The following LIMA1 variants were observed in gnomAD, a reference collection of about 807,000 sequenced individuals.
LIMA1 encodes the protein LIM domain and actin-binding protein 1.
LIMA1 carries 52 observed loss-of-function variants against 62.6 expected under a neutral mutation model. The observed-to-expected ratio is 0.83, with a 90% confidence interval of 0.67 to 1.05. The LOEUF is 1.05. Ranked by LOEUF, LIMA1 falls within the 50% of genes least tolerant of loss-of-function variation. LIMA1 has a pLI of 0.00. For synonymous variants in LIMA1, 302 were observed against 317.8 expected (o/e 0.95, Z 0.53); for missense variants, 780 against 902.2 (o/e 0.86, Z 1.74).
At chr12:50,238,873 G>GA (rs558468705) in intron 2 of LIMA1, among the ~76,000 whole-genome samples, 340 of 140,512 alleles carry the variant, frequency 2.4e-3, no homozygotes, top group Middle Eastern at 7.4e-3. Context: ...AAATCATGAA[G>GA]AAAAAAAAAA....
intron 4 of LIMA1, among the ~76,000 whole-genome samples, chr12:50,209,956 C>T (rs1941224637): frequency 6.6e-6 from 1 of 152,178 alleles, no homozygotes; most frequent in South Asian, 2.1e-4. Flanking sequence ...AGCCACCGCG[C>T]CTGGCCCACC....
At chr12:50,279,010 CTTT>C (rs35710007) in intron 1 of LIMA1, among the ~76,000 whole-genome samples, 2 of 137,636 alleles carry the variant, frequency 1.5e-5, no homozygotes, top group African/African-American at 5.5e-5. Flanking sequence ...CTTTTCTTTT[CTTT>C]TTTTTTTTTT....
intron 10 of LIMA1, among the ~76,000 whole-genome samples, chr12:50,178,983 C>CT (rs1940425263): frequency 3.2e-5 from 4 of 123,420 alleles, no homozygotes; most frequent in Admixed American, 8.6e-5. Context: ...TTTTCTTTTT[C>CT]TTTTCTTTTT....
chr12:50,269,968 C>T (rs896645667), intron 1 of LIMA1, among the ~76,000 whole-genome samples: 8 of 148,798 alleles, frequency 5.4e-5, no homozygotes, highest in Non-Finnish European at 1.2e-4. Context: ...GGCACGGTGG[C>T]TTATGACTGT....
intron 4 of LIMA1, among the ~76,000 whole-genome samples, chr12:50,209,567 C>CA (rs1203309856): frequency 0.42 from 25,506 of 61,184 alleles, 4,647 homozygotes; most frequent in South Asian, 0.52. Flanking sequence ...GACTCCATCT[C>CA]AAAAAAAAAA....
rs1442430509 is a variant in LIMA1, at chr12:50,260,935, A to ACC, written c.-23-12162_-23-12161insGG. Among the ~76,000 whole-genome samples, 42 of 150,568 alleles carry ACC rather than the reference A, an allele frequency of 2.8e-4. 1 individual carries two copies. Among genetic ancestry groups the ACC allele is most frequent in the African/African-American group, 7.8e-4 (32 of 41,036 alleles). ...GCAAGTTTAATAACTTGCCCCAAAAAAAAAAAAAAAAAAGGAAGTCATTTA... is the reference window on the plus strand; with the variant it reads ...GCAAGTTTAATAACTTGCCCCAAAAACCAAAAAAAAAAAAAGGAAGTCATTTA... On this transcript the variant is annotated intron_variant, in intron 1 of 10. Coordinates refer to ENST00000341247, the MANE Select transcript of LIMA1 (RefSeq NM_016357.5).
Position 50,233,623 on chromosome 12 carries a change from C to T in LIMA1, c.120-1913G>A, listed in dbSNP as rs537853996. ...CACTGCAATCTCCGCCTCCCGGGTT[C>T]AAGCATTCTCCTACCCCAGCCTCTC... is the stretch of plus-strand genomic sequence containing the variant. On this transcript the variant is annotated intron_variant, in intron 2 of 10. Transcript: ENST00000341247. Among the ~76,000 whole-genome samples the T allele has an allele frequency of 2.0e-5, 3 of 152,298 alleles. No homozygotes were observed. In the East Asian group the frequency reaches 5.8e-4, roughly 29 times the overall value.
intron 1 of LIMA1, among the ~76,000 whole-genome samples, chr12:50,273,546 A>T (rs1942240602): frequency 6.6e-6 from 1 of 152,210 alleles, no homozygotes; most frequent in Non-Finnish European, 1.5e-5. Context: ...ATAAAACTTC[A>T]AGCCAGCATT....
rs1309132412 is a variant in LIMA1, at chr12:50,206,030, C to A, written c.669G>T (p.Lys223Asn). Residue 223 changes from lysine to asparagine, a missense_variant, in exon 5 of 11, where the codon AAG becomes AAT. Lys to Asn is a moderately conservative substitution (Grantham distance 94). Coordinates refer to ENST00000341247, the MANE Select transcript of LIMA1 (RefSeq NM_016357.5). ...RAQSRSASGRKISENSYSLDD... is the reference protein window; with the variant it reads ...RAQSRSASGRNISENSYSLDD... Reference sequence around the variant, plus strand: ...CTAGAGAATAGCTGTTTTCAGAGATCTTCCTTCCACTTGCACTTCGGCTTT... The same window carrying A: ...CTAGAGAATAGCTGTTTTCAGAGATATTCCTTCCACTTGCACTTCGGCTTT... 1 of 1,612,788 alleles carries A rather than the reference C, an allele frequency of 6.2e-7. No individual in the cohort carries two copies. The highest frequency in any genetic ancestry group is 1.3e-5 in the African/African-American group (1 of 74,906).
chr12:50,202,122 A>C (rs1226428445), intron 6 of LIMA1: 15 of 152,210 alleles, frequency 9.9e-5, no homozygotes, highest in Non-Finnish European at 1.8e-4. Flanking sequence ...ACAGCACCGG[A>C]GGTGCATCTG....
chr12:50,192,227 T>G (rs1454124044), intron 9 of LIMA1, among the ~76,000 whole-genome samples: 1 of 151,970 alleles, frequency 6.6e-6, no homozygotes, highest in African/African-American at 2.4e-5. Flanking sequence ...TTTCCAGAGT[T>G]CAAACTGAGA....
intron 4 of LIMA1, among the ~76,000 whole-genome samples, chr12:50,206,524 T>C (rs550190328): frequency 1.3e-5 from 2 of 152,348 alleles, no homozygotes; most frequent in Admixed American, 6.5e-5. Context: ...CCAGTCTCTA[T>C]GATGCTACCA....
intron 1 of LIMA1, among the ~76,000 whole-genome samples, chr12:50,250,157 G>A (rs896045466): frequency 6.6e-6 from 1 of 151,892 alleles, no homozygotes; most frequent in Non-Finnish European, 1.5e-5. Context: ...AATTAGCCAG[G>A]AGTGGTAGCG....
chr12:50,185,758 TA>T (rs1233512887), intron 9 of LIMA1: 1 of 268,732 alleles, frequency 3.7e-6, no homozygotes, highest in Non-Finnish European at 7.5e-6. Context: ...GCTCTCTCTT[TA>T]ATAGAGCCTT....
At chr12:50,181,377 A>C (rs1940498398) in intron 10 of LIMA1, among the ~76,000 whole-genome samples, 1 of 152,174 alleles carries the variant, frequency 6.6e-6, no homozygotes, top group Non-Finnish European at 1.5e-5. Flanking sequence ...GATTAAAATG[A>C]GTTAATTTGG....
chr12:50,176,871 T>C lies in LIMA1; in HGVS notation c.*193A>G. 1.9e-6 allele frequency: 1 copy of C among 518,666 alleles called. No individual in the cohort carries two copies. Among genetic ancestry groups the C allele is most frequent in the Admixed American group, 3.5e-5 (1 of 28,360 alleles). 32.1% of individuals were successfully genotyped at this position (518,666 alleles called of 1,614,324 possible). On this transcript the variant is annotated 3_prime_UTR_variant, in exon 11 of 11. Transcript: ENST00000341247. ...AATGAAGAATTTAAGTAAAGTTATC[T>C]CTAGTATTTAGAATGTGTTTTTTGT...
intron 4 of LIMA1, among the ~76,000 whole-genome samples, chr12:50,209,748 C>A (rs1413386719): frequency 1.3e-5 from 2 of 151,880 alleles, no homozygotes; most frequent in Non-Finnish European, 2.9e-5. Flanking sequence ...TCACTGCAAC[C>A]CCCACCTCCT....
intron 1 of LIMA1, among the ~76,000 whole-genome samples, chr12:50,251,359 A>ACCTGCAATCCCAGCACTTTGGGAGGC (rs1941927386): frequency 6.6e-6 from 1 of 152,114 alleles, no homozygotes; most frequent in Non-Finnish European, 1.5e-5. Context: ...GGTGGCTCAC[A>ACCTGCAATCCCAGCACTTTGGGAGGC]CCTGCAATCC....
chr12:50,197,675 G>A (rs781560253), intron 7 of LIMA1, among the ~76,000 whole-genome samples: 13 of 152,142 alleles, frequency 8.5e-5, no homozygotes, highest in African/African-American at 2.9e-4. Flanking sequence ...AGACAATGAC[G>A]AAGGAAACAT....
Sources: allele counts gnomAD v4.1 joint callset (sites outside exome capture counted in the v4.1 genomes callset), GRCh38; gene constraint gnomAD v4.1.1; transcripts MANE v1.5; gene names NCBI Gene and HGNC (gene_info 2026-07-23, HGNC 2026-07-21).